TDRD3: variants seen among roughly 807,000 people sequenced by gnomAD.
TDRD3 encodes tudor domain-containing protein 3.
TDRD3 carries 45 observed loss-of-function variants against 86.7 expected under a neutral mutation model. That is an observed-to-expected ratio of 0.52 (90% CI 0.41 to 0.67). The LOEUF is 0.67. Among genes scored for constraint, TDRD3 ranks in the 30% least tolerant of loss-of-function variants. TDRD3 has a pLI of 0.00. For missense variants in TDRD3, 814 were observed against 889.0 expected, an observed-to-expected ratio of 0.92 and a Z score of 1.07; for synonymous variants, 298 against 301.7, an observed-to-expected ratio of 0.99 and a Z score of 0.13.
chr13:60,519,518 T>A (rs1957246002), intron 10 of TDRD3, among the ~76,000 whole-genome samples: 1 of 152,206 alleles, frequency 6.6e-6, no homozygotes, highest in African/African-American at 2.4e-5. Context: ...TTTCATTTAA[T>A]GGATCAATTT....
At chr13:60,473,132 G>T (rs1206477558) in intron 5 of TDRD3, among the ~76,000 whole-genome samples, 2 of 152,142 alleles carry the variant, frequency 1.3e-5, no homozygotes, top group African/African-American at 4.8e-5. Flanking sequence ...TATCTCACCA[G>T]GGCCTTCCTG....
At chr13:60,457,069 A>G (rs1404041301) in intron 3 of TDRD3, among the ~76,000 whole-genome samples, 1 of 152,196 alleles carries the variant, frequency 6.6e-6, no homozygotes, top group African/African-American at 2.4e-5. Context: ...TGTATATTTT[A>G]TCTAGGTCCA....
chr13:60,412,420 G>A (rs960749618), intron 1 of TDRD3, among the ~76,000 whole-genome samples: 2 of 151,852 alleles, frequency 1.3e-5, no homozygotes, highest in Non-Finnish European at 2.9e-5. Context: ...ATAATCTTAC[G>A]TTTGTAAGGA....
At chr13:60,545,326 C>T (rs1314076921) in intron 12 of TDRD3, among the ~76,000 whole-genome samples, 6 of 152,114 alleles carry the variant, frequency 3.9e-5, no homozygotes, top group Admixed American at 2.0e-4. Context: ...ATAGACTTTT[C>T]AGAAACTTCT....
intron 8 of TDRD3, among the ~76,000 whole-genome samples, chr13:60,498,188 A>T (rs1003963274): frequency 6.6e-6 from 1 of 152,132 alleles, no homozygotes; most frequent in African/African-American, 2.4e-5. Flanking sequence ...GGTCCAGAAG[A>T]TATACCCTTG....
intron 1 of TDRD3, among the ~76,000 whole-genome samples, chr13:60,413,327 T>C (rs117343053): frequency 0.045 from 6,849 of 152,300 alleles, 216 homozygotes; most frequent in Non-Finnish European, 0.064. Context: ...CAGTTAGATA[T>C]ATATCTGCTT....
intron 3 of TDRD3, among the ~76,000 whole-genome samples, chr13:60,455,340 T>A (rs1425327358): frequency 6.6e-6 from 1 of 152,230 alleles, no homozygotes; most frequent in East Asian, 1.9e-4. Flanking sequence ...TTAAAGCAGC[T>A]ATAGGCAGAA....
intron 5 of TDRD3, among the ~76,000 whole-genome samples, chr13:60,470,552 A>G (rs972836127): frequency 2.0e-5 from 3 of 148,600 alleles, no homozygotes; most frequent in Non-Finnish European, 4.4e-5. Context: ...GATAGTAGCC[A>G]TTCTAACATG....
At chr13:60,499,257 A>G (rs934942544) in intron 8 of TDRD3, among the ~76,000 whole-genome samples, 1 of 152,172 alleles carries the variant, frequency 6.6e-6, no homozygotes, top group African/African-American at 2.4e-5. Flanking sequence ...AGACAGATGG[A>G]TCTTGGAGAA....
At chr13:60,396,245 G>A (rs1027081954), upstream of TDRD3, among the ~76,000 whole-genome samples, 2 of 152,190 alleles carry the variant, frequency 1.3e-5, no homozygotes, top group African/African-American at 2.4e-5. Flanking sequence ...AGATGGGGAC[G>A]CTGCCCCTTA....
At chr13:60,400,900 G>A (rs1015869062) in intron 1 of TDRD3, among the ~76,000 whole-genome samples, 1 of 152,100 alleles carries the variant, frequency 6.6e-6, no homozygotes, top group Non-Finnish European at 1.5e-5. Context: ...TAAAGATTCA[G>A]TACTCATTTC....
intron 10 of TDRD3, among the ~76,000 whole-genome samples, chr13:60,514,096 G>A (rs1047234580): frequency 3.9e-5 from 6 of 152,148 alleles, no homozygotes; most frequent in Non-Finnish European, 8.8e-5. Flanking sequence ...TAATGATATG[G>A]ACAATGAAAT....
intron 2 of TDRD3, 77 bp from the exon 3 acceptor site, chr13:60,444,606 C>A: frequency 1.2e-6 from 1 of 848,604 alleles, no homozygotes; most frequent in Admixed American, 3.3e-5. Flanking sequence ...TAAGTAATTT[C>A]ATCTTTTGTT....
At chr13:60,415,232 A>G (rs1159919803) in intron 1 of TDRD3, among the ~76,000 whole-genome samples, 1 of 152,080 alleles carries the variant, frequency 6.6e-6, no homozygotes, top group Non-Finnish European at 1.5e-5. Context: ...ATTCTCATTC[A>G]TATTTTTCCT....
rs1178526500 is a variant in TDRD3 at position 60,406,862 on chromosome 13, T to TA, written c.41+9461dup. On this transcript the variant is annotated intron_variant, in intron 1 of 13. Transcript: ENST00000377881. ...CTTTCCCCAAATTCCTCTAAATATA[T>TA]AAAATACAAATAAAATTTAGCTGCA... 2.6e-5 allele frequency among the ~76,000 whole-genome samples: 4 copies of TA among 152,296 alleles called. No homozygotes were observed. In the East Asian group the frequency reaches 7.7e-4, roughly 29 times the overall value.
At position 60,509,138 on chromosome 13, in the gene TDRD3, T is replaced by C. The variant is rs187820028; in HGVS notation, c.859-625T>C. On this transcript the variant is annotated intron_variant, in intron 8 of 13. Coordinates refer to ENST00000377881, the MANE Select transcript of TDRD3 (RefSeq NM_001146070.2). ...GGCTTTGGTTCAAGAAATTTCTTCG[T>C]AGGATATGTTTATACTCCTTAAGTG... Among the ~76,000 whole-genome samples the C allele has an allele frequency of 1.4e-4, 22 of 152,326 alleles. 2 individuals carry two copies. In the East Asian group the frequency reaches 4.0e-3, roughly 28 times the overall value.
intron 4 of TDRD3, 40 bp from the exon 5 acceptor site, chr13:60,467,198 C>T (rs1429385972): frequency 3.1e-6 from 5 of 1,607,964 alleles, no homozygotes; most frequent in Non-Finnish European, 3.4e-6. Context: ...CATGTGTTCT[C>T]AGCTTCAATA....
At chr13:60,510,838 A>G (rs528929611) in intron 10 of TDRD3, 83 bp downstream of exon 10, 1 of 1,289,324 alleles carries the variant, frequency 7.8e-7, no homozygotes, top group Middle Eastern at 2.1e-4. Context: ...TTTTTAAAAG[A>G]CCAAACTTTA....
At chr13:60,401,978 A>G (rs1954114399) in intron 1 of TDRD3, among the ~76,000 whole-genome samples, 1 of 152,206 alleles carries the variant, frequency 6.6e-6, no homozygotes, top group Non-Finnish European at 1.5e-5. Flanking sequence ...TTATAAAGTG[A>G]TTATTGCACT....
Sources: gnomAD v4.1 joint callset for allele counts (sites outside exome capture counted in the v4.1 genomes callset) on GRCh38, gnomAD v4.1.1 for gene constraint, MANE v1.5 for transcripts, NCBI Gene and HGNC (gene_info 2026-07-23, HGNC 2026-07-21) for gene names.